SLIT1: variants seen among roughly 807,000 people sequenced by gnomAD.
SLIT1 encodes the protein slit guidance ligand 1, also known as slit homolog 1 protein.
In SLIT1, 66 loss-of-function variants were observed where a neutral mutation model predicts 186.1. The observed-to-expected ratio is 0.35, with a 90% CI of 0.29 to 0.44. SLIT1 has a LOEUF of 0.44. Ranked by LOEUF, SLIT1 falls within the 20% of genes least tolerant of loss-of-function variation. The pLI, the probability that SLIT1 is intolerant of heterozygous loss-of-function variation, is 1.00. For missense variants in SLIT1, 1,638 were observed against 2,037.4 expected (o/e 0.80, Z 3.77); for synonymous variants, 761 against 833.8 (o/e 0.91, Z 1.50).
chr10:97,137,886 T>C (rs553595233), intron 4 of SLIT1, among the ~76,000 whole-genome samples: 6 of 152,324 alleles, frequency 3.9e-5, no homozygotes, highest in South Asian at 4.1e-4. Context: ...ACAATTTAGA[T>C]TGGTTCTTGC....
rs541560865 is a variant in SLIT1, at chr10:97,169,126, T to C, written c.198-4236A>G. On this transcript the variant is annotated intron_variant, in intron 1 of 36. Transcript: ENST00000266058. ...AAGACAAGCAGGGAGAAAAAGACAATGGCGCAGACAGCAAGGCAGGCACAG... is the reference window on the plus strand; with the variant it reads ...AAGACAAGCAGGGAGAAAAAGACAACGGCGCAGACAGCAAGGCAGGCACAG... Among the ~76,000 whole-genome samples the C allele has an allele frequency of 1.9e-4, 29 of 151,778 alleles. No individual in the cohort carries two copies. The East Asian group carries it at 5.5e-3, about 29-fold the overall frequency.
chr10:97,167,750 T>C (rs1458144768), intron 1 of SLIT1, among the ~76,000 whole-genome samples: 2 of 152,178 alleles, frequency 1.3e-5, no homozygotes, highest in African/African-American at 4.8e-5. Flanking sequence ...TGGGAGGTAA[T>C]TGAATCATCT....
At chr10:97,119,713 C>T (rs942003100) in intron 4 of SLIT1, among the ~76,000 whole-genome samples, 2 of 151,120 alleles carry the variant, frequency 1.3e-5, no homozygotes, top group African/African-American at 2.4e-5. Flanking sequence ...TCCCGGTGGA[C>T]GCCCACTCTG....
chr10:97,159,962 T>A (rs536931646), intron 3 of SLIT1, among the ~76,000 whole-genome samples: 1 of 152,276 alleles, frequency 6.6e-6, no homozygotes, highest in South Asian at 2.1e-4. Flanking sequence ...AGAATAGGGG[T>A]ACCAAGAGGT....
intron 28 of SLIT1, among the ~76,000 whole-genome samples, chr10:97,015,407 T>G (rs1214551329): frequency 1.3e-5 from 2 of 152,224 alleles, no homozygotes; most frequent in South Asian, 4.1e-4. Context: ...AAAATAATCT[T>G]GATGACAGGT....
At position 97,013,657 on chromosome 10, in the gene SLIT1, G is replaced by A. The variant is rs942487978; in HGVS notation, c.3203+84C>T. On this transcript the variant is annotated intron_variant, in intron 30 of 36. Coordinates refer to ENST00000266058, the MANE Select transcript of SLIT1 (RefSeq NM_003061.3). ...CCCATTGGACAAATGAGGGAATGAGGGTGGGGCACGGAGCCCAGACTGGAA... is the reference window on the plus strand; with the variant it reads ...CCCATTGGACAAATGAGGGAATGAGAGTGGGGCACGGAGCCCAGACTGGAA... The A allele has an allele frequency of 6.6e-5, 63 of 954,012 alleles. No individual in the cohort carries two copies. The African/African-American group carries it at 9.2e-4, about 14-fold the overall frequency. 59.1% of individuals were successfully genotyped at this position (954,012 alleles called of 1,614,324 possible). A position where few individuals can be genotyped will look rare whatever the true frequency, so the allele number is the denominator to read the frequency against.
At chr10:97,052,900 A>C (rs1181383703) in intron 13 of SLIT1, among the ~76,000 whole-genome samples, 1 of 152,194 alleles carries the variant, frequency 6.6e-6, no homozygotes, top group African/African-American at 2.4e-5. Context: ...TCAGTTGTTA[A>C]CATCTAATAG....
chr10:97,092,821 C>A (rs903856547), intron 4 of SLIT1, among the ~76,000 whole-genome samples: 1 of 152,216 alleles, frequency 6.6e-6, no homozygotes, highest in Non-Finnish European at 1.5e-5. Context: ...ATAGGAGTAA[C>A]CAACACCTAC....
intron 18 of SLIT1, among the ~76,000 whole-genome samples, chr10:97,046,130 G>C (rs1441215735): frequency 6.6e-6 from 1 of 152,144 alleles, no homozygotes; most frequent in African/African-American, 2.4e-5. Context: ...AGCCCTCCTG[G>C]GGCAGATGGA....
chr10:97,009,546 G>A (rs527528515), intron 31 of SLIT1, among the ~76,000 whole-genome samples: 1 of 152,200 alleles, frequency 6.6e-6, no homozygotes, highest in African/African-American at 2.4e-5. Context: ...GACAACATAG[G>A]TATAAATCTT....
chr10:97,008,731 G>T (rs1480181670), intron 31 of SLIT1, among the ~76,000 whole-genome samples: 2 of 149,618 alleles, frequency 1.3e-5, no homozygotes, highest in African/African-American at 2.5e-5. Flanking sequence ...TACCTAAATT[G>T]ATCTACAGAT....
At chr10:97,057,651 T>C in intron 11 of SLIT1, 1 of 355,132 alleles carries the variant, frequency 2.8e-6, no homozygotes, top group Non-Finnish European at 5.1e-6. Flanking sequence ...GAAAATCCCA[T>C]GGGCAGGAAT....
chr10:97,151,524 G>C (rs1849879703), intron 4 of SLIT1, among the ~76,000 whole-genome samples: 1 of 151,686 alleles, frequency 6.6e-6, no homozygotes, highest in African/African-American at 2.4e-5. Context: ...TAGATGGTGG[G>C]AAGGTAGATG....
At position 96,999,659 on chromosome 10, in the gene SLIT1, T is replaced by G. The variant is rs965174298; in HGVS notation, c.*1453A>C. 6.6e-6 allele frequency: 1 copy of G among 152,226 alleles called. No individual in the cohort carries two copies. The highest frequency in any genetic ancestry group is 1.5e-5 in the Non-Finnish European group (1 of 68,052). 9.4% of individuals were successfully genotyped at this position (152,226 alleles called of 1,614,324 possible). A position where few individuals can be genotyped will look rare whatever the true frequency, so the allele number is the denominator to read the frequency against. On this transcript the variant is annotated 3_prime_UTR_variant, in exon 37 of 37. Transcript: ENST00000266058. The stretch of plus-strand genomic sequence containing the variant: ...GGCCTCACAAACCATCTTTCTACAT[T>G]TTCACTGTGTATGGAAGAGAAGACA...
chr10:97,002,006 G>C, intron 36 of SLIT1, 152 bp downstream of exon 36: 3 of 482,708 alleles, frequency 6.2e-6, no homozygotes, highest in Non-Finnish European at 1.1e-5. Context: ...GCAGTGCCCA[G>C]AGGGTGGAGG....
intron 4 of SLIT1, among the ~76,000 whole-genome samples, chr10:97,110,795 TG>T (rs1267157917): frequency 6.6e-6 from 1 of 152,204 alleles, no homozygotes; most frequent in Non-Finnish European, 1.5e-5. Context: ...TTAAGTTTGG[TG>T]GTGAATTCAT....
At chr10:97,152,615 C>T (rs1176420552) in intron 4 of SLIT1, among the ~76,000 whole-genome samples, 2 of 152,174 alleles carry the variant, frequency 1.3e-5, no homozygotes, top group Admixed American at 6.5e-5. Context: ...AACATCGTAT[C>T]ACAGGCATTT....
chr10:97,042,981 T>A lies in SLIT1; in HGVS notation c.2084A>T (p.Asn695Ile). ...AAAGTCAGGGTTCTGGCATCGCGGG[T>A]TCCCCGTCACGATCTTGCGCTTCCG... ...WLRKRKIVTG[N>I]PRCQNPDFLR... is the part of the protein sequence containing the mutation. The change falls in exon 20 of 37, where the codon AAC (asparagine) becomes ATC (isoleucine). Residue 695 changes from asparagine (N) to isoleucine (I), a missense_variant. Physicochemically the swap from Asn to Ile is moderately radical, Grantham distance 149 (BLOSUM62 -3). Around this residue, in one of 3 missense-constraint regions of SLIT1, gnomAD observed 1,245 missense variants for 1,535.3 expected, o/e 0.81. Coordinates refer to ENST00000266058, the MANE Select transcript of SLIT1 (RefSeq NM_003061.3). The A allele has an allele frequency of 6.2e-7, 1 of 1,614,148 alleles. No individual in the cohort carries two copies. The highest frequency in any genetic ancestry group is 8.5e-7 in the Non-Finnish European group (1 of 1,180,016).
In SLIT1 at chr10:97,063,552, C is replaced by A; in HGVS notation, c.696G>T (p.Gln232His). 6.2e-7 allele frequency: 1 copy of A among 1,613,214 alleles called. No individual in the cohort carries two copies. Among genetic ancestry groups the A allele is most frequent in the Non-Finnish European group, 8.5e-7 (1 of 1,179,866 alleles). Residue 232 changes from glutamine to histidine, a missense_variant, in exon 8 of 37, where the codon CAG (glutamine) becomes CAT (histidine). Transcript: ENST00000266058. ...GGGTGAAGAGCCCGATGGTTGGCCG[C>A]TGCCTCAGCCACTGCGAGAGCCAGG... ...HLAWLSQWLR[Q>H]RPTIGLFTQC...
Sources: gnomAD v4.1 joint callset for allele counts (sites outside exome capture counted in the v4.1 genomes callset) on GRCh38, gnomAD v4.1.1 for gene constraint, gnomAD v4.1.1 regional missense constraint, MANE v1.5 for transcripts, NCBI Gene and HGNC (gene_info 2026-07-23, HGNC 2026-07-21) for gene names.